Variants in TPR observed in about 807,000 individuals in gnomAD.
The protein encoded by TPR is translocated promoter region, nuclear basket protein, also known as nucleoprotein TPR.
A neutral mutation model predicts 316.1 loss-of-function variants in TPR; 51 were observed. That is an observed-to-expected ratio of 0.16 (90% CI 0.13 to 0.20). TPR has a LOEUF of 0.20. TPR is among the 10% of genes least tolerant of loss of function. The probability of loss-of-function intolerance (pLI) is 1.00; values close to 1 mark genes in which losing one functional copy is unlikely to be tolerated. For missense variants in TPR, 2,272 were observed against 2,754.8 expected (o/e 0.82, Z 3.92); for synonymous variants, 981 against 914.7 (o/e 1.07, Z -1.31).
chr1:186,336,351 T>C (rs558522841), intron 33 of TPR, 145 bp downstream of exon 33: 28 of 727,836 alleles, frequency 3.8e-5, no homozygotes, highest in South Asian at 2.6e-4. Flanking sequence ...TGTGTCCAAC[T>C]AATTATTCCT....
intron 38 of TPR, among the ~76,000 whole-genome samples, chr1:186,331,882 T>C (rs1658179335): frequency 6.6e-6 from 1 of 152,064 alleles, no homozygotes; most frequent in Admixed American, 6.6e-5. Flanking sequence ...TGGCTAATCT[T>C]AGAAAAAGAT....
At chr1:186,325,287 A>G (rs1282234734) in intron 42 of TPR, among the ~76,000 whole-genome samples, 1 of 152,112 alleles carries the variant, frequency 6.6e-6, no homozygotes, top group East Asian at 1.9e-4. Context: ...AATGCCCACA[A>G]CTTTTCAGTG....
Position 186,312,156 on chromosome 1 carries a change from AT to A in TPR, c.*1814del, listed in dbSNP as rs777908416. On this transcript the variant is annotated 3_prime_UTR_variant, in exon 51 of 51. Transcript: ENST00000367478. ...AAAATTAATTTTCATTTTCCATGTG[AT>A]ATTCTAATACATAACAGGTGGCAGC... 1 of 1,607,488 alleles carries A rather than the reference AT, an allele frequency of 6.2e-7. No individual in the cohort carries two copies. The highest frequency in any genetic ancestry group is 1.1e-5 in the South Asian group (1 of 90,922).
At chr1:186,353,564 C>T (rs1329968015) in intron 18 of TPR, 124 bp downstream of exon 18, 2 of 1,038,550 alleles carry the variant, frequency 1.9e-6, no homozygotes, top group Non-Finnish European at 1.4e-6. Flanking sequence ...GTATTAATTA[C>T]TTGGTGTAAC....
In TPR at chr1:186,317,516, G is replaced by A. The variant is rs2102048810; in HGVS notation, c.6906C>T (p.Ser2302=). The change falls in exon 49 of 51, where the codon TCC becomes TCT. Residue 2302 remains serine (S), a synonymous_variant. Coordinates refer to ENST00000367478, the MANE Select transcript of TPR (RefSeq NM_003292.3). ...AGCTAGAAGGAGGATCCTGGCTGGT[G>A]GAGGGGAGATCTGACTCATCAGATG... The part of the protein sequence containing the change: ...VQASDESDLP[S]TSQDPPSSSS... The A allele has an allele frequency of 6.2e-7, 1 of 1,614,142 alleles. No individual in the cohort carries two copies.
rs116255825 is a variant in TPR at position 186,375,223 on chromosome 1, A to G, written c.-195T>C. ...AGTCCACCCTCAGCGGCAGCGTTTCAGCAACAGCACCTCACCGCCCGCGAC... is the reference window on the plus strand; with the variant it reads ...AGTCCACCCTCAGCGGCAGCGTTTCGGCAACAGCACCTCACCGCCCGCGAC... On this transcript the variant is annotated 5_prime_UTR_variant, in exon 1 of 51. Coordinates refer to ENST00000367478, the MANE Select transcript of TPR (RefSeq NM_003292.3). 2,266 of 1,482,282 alleles carry G rather than the reference A, an allele frequency of 1.5e-3. 34 individuals carry two copies. In the African/African-American group the frequency reaches 0.028, roughly 18 times the overall value. The allele number at this position is 1,482,282 out of a possible 1,614,324, so 91.8% of individuals were successfully genotyped here.
At chr1:186,331,683 A>AG in intron 38 of TPR, 102 bp from the exon 39 acceptor site, 1 of 651,334 alleles carries the variant, frequency 1.5e-6, no homozygotes, top group Non-Finnish European at 2.4e-6. Context: ...TCAAATCTAT[A>AG]TTTTATGAAA....
chr1:186,341,511 C>T (rs1007933627), intron 27 of TPR, 122 bp from the exon 28 acceptor site: 1 of 1,137,190 alleles, frequency 8.8e-7, no homozygotes, highest in Non-Finnish European at 1.2e-6. Context: ...ACTTTTAGAA[C>T]TAAAATTTTT....
intron 43 of TPR, among the ~76,000 whole-genome samples, chr1:186,323,338 T>C (rs1168695353): frequency 6.6e-6 from 1 of 152,170 alleles, no homozygotes; most frequent in Admixed American, 6.5e-5. Flanking sequence ...ACGTGCACTG[T>C]AGAGAAAGAA....
intron 1 of TPR, among the ~76,000 whole-genome samples, chr1:186,374,005 T>C (rs906646162): frequency 4.6e-5 from 7 of 152,220 alleles, no homozygotes; most frequent in Non-Finnish European, 8.8e-5. Flanking sequence ...AATTAATAAA[T>C]AGAATGCAAT....
At chr1:186,324,969 AAAGT>A (rs1420611556) in intron 42 of TPR, among the ~76,000 whole-genome samples, 2 of 152,132 alleles carry the variant, frequency 1.3e-5, no homozygotes, top group African/African-American at 4.8e-5. Flanking sequence ...TCTCCCTTTA[AAAGT>A]AAGAATAGTA....
chr1:186,356,774 TCTGA>T (rs879804551), intron 14 of TPR, among the ~76,000 whole-genome samples: 1 of 152,168 alleles, frequency 6.6e-6, no homozygotes, highest in Admixed American at 6.5e-5. Context: ...TGAAAAAACC[TCTGA>T]CTAATTCTTA....
intron 3 of TPR, among the ~76,000 whole-genome samples, chr1:186,370,589 T>C (rs558970049): frequency 1.3e-5 from 2 of 152,190 alleles, no homozygotes; most frequent in Middle Eastern, 3.4e-3. Flanking sequence ...TAAAAAATAA[T>C]TGCATGCAAC....
At chr1:186,370,633 T>A (rs541800404) in intron 3 of TPR, among the ~76,000 whole-genome samples, 2 of 152,058 alleles carry the variant, frequency 1.3e-5, no homozygotes, top group East Asian at 1.9e-4. Context: ...GCAATCCCTG[T>A]GATCATATTC....
intron 17 of TPR, among the ~76,000 whole-genome samples, chr1:186,354,985 C>G (rs947523904): frequency 2.6e-5 from 4 of 152,180 alleles, no homozygotes; most frequent in African/African-American, 9.7e-5. Flanking sequence ...CTCACCGCAA[C>G]CACTGCCTCC....
intron 50 of TPR, 24 bp from the exon 51 acceptor site, chr1:186,314,050 T>C (rs747108862): frequency 1.6e-5 from 25 of 1,602,402 alleles, no homozygotes; most frequent in South Asian, 2.2e-5. Context: ...AAGAATCAAA[T>C]TGAATATATC....
chr1:186,356,114 C>G (rs1341813548), intron 15 of TPR, among the ~76,000 whole-genome samples, 172 bp downstream of exon 15: 2 of 151,978 alleles, frequency 1.3e-5, no homozygotes, highest in Non-Finnish European at 2.9e-5. Context: ...TTCTTTTTAG[C>G]AATACATAAA....
chr1:186,367,461 T>C (rs571000411), intron 4 of TPR, among the ~76,000 whole-genome samples: 3 of 152,376 alleles, frequency 2.0e-5, no homozygotes, highest in South Asian at 2.1e-4. Context: ...ATGTATTTTA[T>C]GTCTCTGCCT....
At position 186,337,043 on chromosome 1, in the gene TPR, T is replaced by A. The variant is rs749704541; in HGVS notation, c.4476A>T (p.Ser1492=). ...TLNQAETKSK[S]LESQVENLQK... is the part of the protein sequence containing the mutation. Reference sequence around the variant, plus strand: ...GCAGATTCTCTACTTGACTTTCAAGTGATTTTGATTTTGTTTCAGCTTGGT... The same window carrying A: ...GCAGATTCTCTACTTGACTTTCAAGAGATTTTGATTTTGTTTCAGCTTGGT... Residue 1492 remains serine, a synonymous_variant, in exon 32 of 51, where the codon TCA becomes TCT. Coordinates refer to ENST00000367478, the MANE Select transcript of TPR (RefSeq NM_003292.3). 1.2e-6 allele frequency: 2 copies of A among 1,613,792 alleles called. No individual in the cohort carries two copies. Among genetic ancestry groups the A allele is most frequent in the African/African-American group, 1.3e-5 (1 of 74,918 alleles).
Sources: allele counts gnomAD v4.1 joint callset (sites outside exome capture counted in the v4.1 genomes callset), GRCh38; gene constraint gnomAD v4.1.1; transcripts MANE v1.5; gene names NCBI Gene and HGNC (gene_info 2026-07-23, HGNC 2026-07-21).